The following GPCPD1 variants were observed in gnomAD, a reference collection of about 807,000 sequenced individuals.
The protein encoded by GPCPD1 is glycerophosphocholine phosphodiesterase GPCPD1.
A neutral mutation model predicts 89.2 loss-of-function variants in GPCPD1; 29 were observed. The observed-to-expected ratio is 0.33, with a 90% CI of 0.24 to 0.44. GPCPD1 has a LOEUF of 0.44. Among genes scored for constraint, GPCPD1 ranks in the 20% least tolerant of loss-of-function variants. GPCPD1 has a pLI of 1.00. For synonymous variants in GPCPD1, 258 were observed against 266.3 expected (o/e 0.97, Z 0.30); for missense variants, 594 against 808.9 (o/e 0.73, Z 3.22).
chr20:5,547,687 C>A lies in GPCPD1; in HGVS notation c.1993G>T (p.Gly665Cys). ...TAAGCATTCTCCACGTTATCAATGC[C>A]GTTGGCATCCACATGGATATCAGAC... Reference protein sequence around the residue: ...GESDIHVDANGIDNVENA With the variant: ...GESDIHVDANCIDNVENA Residue 665 changes from glycine (G) to cysteine (C), a missense_variant, in exon 20 of 20, where the codon GGC becomes TGC. Coordinates refer to ENST00000379019, the MANE Select transcript of GPCPD1 (RefSeq NM_019593.5). The A allele has an allele frequency of 6.2e-7, 1 of 1,606,396 alleles. No homozygotes were observed. The highest frequency in any genetic ancestry group is 8.5e-7 in the Non-Finnish European group (1 of 1,174,212).
intron 4 of GPCPD1, among the ~76,000 whole-genome samples, chr20:5,589,398 G>A (rs1979165768): frequency 6.6e-6 from 1 of 152,154 alleles, no homozygotes. Flanking sequence ...GATCACCTGA[G>A]GTCGGGAGTT....
chr20:5,579,386 C>T (rs1052641173), intron 7 of GPCPD1, among the ~76,000 whole-genome samples: 4 of 152,104 alleles, frequency 2.6e-5, no homozygotes, highest in Admixed American at 6.6e-5. Context: ...GACAGAGTCT[C>T]GCTCTGCCTG....
chr20:5,550,069 T>C (rs1461979922), intron 19 of GPCPD1, among the ~76,000 whole-genome samples: 1 of 151,810 alleles, frequency 6.6e-6, no homozygotes, highest in Admixed American at 6.6e-5. Flanking sequence ...GGCGTGCGCC[T>C]GTAGGCCCAG....
chr20:5,598,522 T>A (rs1279752714), intron 3 of GPCPD1, among the ~76,000 whole-genome samples: 1 of 150,500 alleles, frequency 6.6e-6, no homozygotes, highest in Non-Finnish European at 1.5e-5. Flanking sequence ...TGAAAGTGGT[T>A]GAGAGGCAGG....
rs984172168 is a variant in GPCPD1, at chr20:5,561,409, GA to G, written c.1395+55del. 3.2e-6 allele frequency: 3 copies of G among 940,364 alleles called. No individual in the cohort carries two copies. In the Admixed American group the frequency reaches 6.7e-5, roughly 21 times the overall value. 58.3% of individuals were successfully genotyped at this position (940,364 alleles called of 1,614,324 possible). A position where few individuals can be genotyped will look rare whatever the true frequency, so the allele number is the denominator to read the frequency against. ...TTAAAATACAAAGACAGGAATGAAA[GA>G]ATTTTTTAGATAGGCATAGAGAGTA... On this transcript the variant is annotated intron_variant, in intron 16 of 19. Transcript: ENST00000379019.
chr20:5,591,751 T>C (rs1479949451), intron 4 of GPCPD1, among the ~76,000 whole-genome samples: 1 of 152,222 alleles, frequency 6.6e-6, no homozygotes, highest in Non-Finnish European at 1.5e-5. Flanking sequence ...AGTGTCACAT[T>C]AAGCTGGCAT....
intron 2 of GPCPD1, among the ~76,000 whole-genome samples, chr20:5,602,539 C>T (rs1398811999): frequency 6.6e-6 from 1 of 152,244 alleles, no homozygotes; most frequent in Non-Finnish European, 1.5e-5. Flanking sequence ...CTCACACATA[C>T]TCTGCCAATT....
At chr20:5,610,128 G>A (rs904986607) in intron 1 of GPCPD1, among the ~76,000 whole-genome samples, 6 of 152,204 alleles carry the variant, frequency 3.9e-5, no homozygotes, top group African/African-American at 1.2e-4. Context: ...GCCAGCCAGT[G>A]GAGTCTGGGG....
At chr20:5,576,131 G>T (rs563780210) in intron 8 of GPCPD1, among the ~76,000 whole-genome samples, 153 bp from the exon 9 acceptor site, 1 of 150,210 alleles carries the variant, frequency 6.7e-6, no homozygotes, top group South Asian at 2.1e-4. Context: ...AAAAACTTCA[G>T]TATTTTCGGC....
At position 5,567,572 on chromosome 20, in the gene GPCPD1, AAAAAAAG is replaced by A; in HGVS notation, c.1150-19_1150-13del. 2 of 1,550,238 alleles carry A rather than the reference AAAAAAAG, an allele frequency of 1.3e-6. No individual in the cohort carries two copies. Among genetic ancestry groups the A allele is most frequent in the Non-Finnish European group, 1.7e-6 (2 of 1,155,292 alleles). ...TCAGCATCAAATTTCTAAAAAAAAA[AAAAAAAG>A]AAAGAAAGAAAAAGAAAGAATAAAG... On this transcript the variant is annotated splice_polypyrimidine_tract_variant and intron_variant, in intron 12 of 19. Transcript: ENST00000379019.
chr20:5,547,727 T>C lies in GPCPD1; in HGVS notation c.1953A>G (p.Ser651=). 1 of 1,611,328 alleles carries C rather than the reference T, an allele frequency of 6.2e-7. No homozygotes were observed. Among genetic ancestry groups the C allele is most frequent in the Non-Finnish European group, 8.5e-7 (1 of 1,177,708 alleles). ...LCPTVSRFVP[S]SLCGESDIHV... ...GGATATCAGACTCCCCACACAAAGA[T>C]GAGGGAACAAAGCGGCTAACAGTGG... Residue 651 remains serine, a synonymous_variant, in exon 20 of 20, where the codon TCA becomes TCG. Coordinates refer to ENST00000379019, the MANE Select transcript of GPCPD1 (RefSeq NM_019593.5).
chr20:5,575,349 C>T, intron 10 of GPCPD1, 64 bp downstream of exon 10: 2 of 1,117,264 alleles, frequency 1.8e-6, no homozygotes, highest in Admixed American at 2.3e-5. Flanking sequence ...GCTGAGAAAA[C>T]CAGTGTAACT....
In GPCPD1 at chr20:5,561,482, AT is replaced by A; in HGVS notation, c.1377del (p.Lys459AsnfsTer21). On this transcript the variant is annotated frameshift_variant, in exon 16 of 20. Coordinates refer to ENST00000379019, the MANE Select transcript of GPCPD1 (RefSeq NM_019593.5). LOFTEE classifies it high-confidence loss of function. ...TTACTTACCCTTTGCTGGCAGATCC[AT>A]TTTATTTCAATGTTAAACCCTACAT... ...PEDVGFNIEI[K>X]WICQQRDGMW... 6.3e-7 allele frequency: 1 copy of A among 1,585,270 alleles called. No homozygotes were observed. The highest frequency in any genetic ancestry group is 8.7e-7 in the Non-Finnish European group (1 of 1,154,912).
intron 4 of GPCPD1, among the ~76,000 whole-genome samples, chr20:5,590,605 A>C (rs562447914): frequency 6.6e-6 from 1 of 151,978 alleles, no homozygotes; most frequent in African/African-American, 2.4e-5. Flanking sequence ...GGCATGAGTA[A>C]AGCAAAGGAA....
intron 15 of GPCPD1, among the ~76,000 whole-genome samples, chr20:5,564,138 T>C (rs933421621): frequency 6.6e-6 from 1 of 152,140 alleles, no homozygotes; most frequent in African/African-American, 2.4e-5. Flanking sequence ...TTCCTGATGC[T>C]GTCAAGGGTG....
intron 12 of GPCPD1, 89 bp from the exon 13 acceptor site, chr20:5,567,649 C>A: frequency 8.3e-7 from 1 of 1,198,098 alleles, no homozygotes; most frequent in Non-Finnish European, 1.1e-6. Flanking sequence ...TGAATGCTTA[C>A]ACTAGACAGG....
chr20:5,551,334 T>G (rs1985395908), intron 19 of GPCPD1, among the ~76,000 whole-genome samples: 1 of 152,236 alleles, frequency 6.6e-6, no homozygotes, highest in Non-Finnish European at 1.5e-5. Context: ...TTGTTTCAGG[T>G]GCATACTTGT....
chr20:5,565,258 ACT>A (rs1986331397), intron 14 of GPCPD1, among the ~76,000 whole-genome samples, 180 bp from the exon 15 acceptor site: 1 of 150,828 alleles, frequency 6.6e-6, no homozygotes, highest in Non-Finnish European at 1.5e-5. Flanking sequence ...GTAGGGTCTC[ACT>A]CTGTCATCTA....
At chr20:5,558,637 A>G (rs1415228621) in intron 18 of GPCPD1, 47 bp downstream of exon 18, 2 of 1,181,196 alleles carry the variant, frequency 1.7e-6, no homozygotes, top group Non-Finnish European at 2.4e-6. Flanking sequence ...ACTACTCCAA[A>G]ATAGAAAACA....
Sources: gnomAD v4.1 joint callset for allele counts (sites outside exome capture counted in the v4.1 genomes callset) on GRCh38, gnomAD v4.1.1 for gene constraint, MANE v1.5 for transcripts, NCBI Gene and HGNC (gene_info 2026-07-23, HGNC 2026-07-21) for gene names.